ELL2: variants seen among roughly 807,000 people sequenced by gnomAD.
The protein encoded by ELL2 is RNA polymerase II elongation factor ELL2.
ELL2 carries 21 observed loss-of-function variants against 72.8 expected under a neutral mutation model. The observed-to-expected ratio is 0.29, with a 90% CI of 0.20 to 0.42. ELL2 has a LOEUF of 0.42. Ranked by LOEUF, ELL2 falls within the 10% of genes least tolerant of loss-of-function variation. ELL2 has a pLI of 1.00. For missense variants in ELL2, 568 were observed against 772.8 expected, an observed-to-expected ratio of 0.73 and a Z score of 3.14; for synonymous variants, 266 against 283.2, an observed-to-expected ratio of 0.94 and a Z score of 0.61.
chr5:95,890,769 G>A (rs1210487780), intron 10 of ELL2, among the ~76,000 whole-genome samples: 2 of 152,178 alleles, frequency 1.3e-5, no homozygotes, highest in Non-Finnish European at 2.9e-5. Context: ...CCAGACCTAT[G>A]AGCTGTAGTC....
chr5:95,933,157 G>T (rs1443069451), intron 2 of ELL2, among the ~76,000 whole-genome samples: 1 of 152,208 alleles, frequency 6.6e-6, no homozygotes, highest in Non-Finnish European at 1.5e-5. Context: ...CCTTGTGACT[G>T]GCACTTTCGA....
Position 95,886,819 on chromosome 5 carries a change from C to T in ELL2, c.*2052G>A, listed in dbSNP as rs991008246. On this transcript the variant is annotated 3_prime_UTR_variant, in exon 12 of 12. Transcript: ENST00000237853. ...AAAATGCAGATACTTGGGCCCTATA[C>T]CTAGAGATTCTAACTCAGGTGATCC... The T allele has an allele frequency of 6.6e-6, 1 of 152,148 alleles. No individual in the cohort carries two copies. Among genetic ancestry groups the T allele is most frequent in the African/African-American group, 2.4e-5 (1 of 41,430 alleles). 9.4% of individuals were successfully genotyped at this position (152,148 alleles called of 1,614,324 possible). A position where few individuals can be genotyped will look rare whatever the true frequency, so the allele number is the denominator to read the frequency against.
rs201782127 is a variant in ELL2, at chr5:95,961,663, C to T, written c.59G>A (p.Gly20Glu). 13 of 1,609,790 alleles carry T rather than the reference C, an allele frequency of 8.1e-6. No individual in the cohort carries two copies. The South Asian group carries it at 1.4e-4, about 18-fold the overall frequency. Residue 20 changes from glycine to glutamate, a missense_variant, in exon 1 of 12, where the codon GGA becomes GAA. By Grantham distance (98) the Gly-to-Glu change is moderately conservative. Around this residue, in one of 2 missense-constraint regions of ELL2, gnomAD observed 57 missense variants for 44.4 expected, o/e 1.28. Coordinates refer to ENST00000237853, the MANE Select transcript of ELL2 (RefSeq NM_012081.6). ...GGTGATGTTGTCCTGCCCCAGCCGTCCGCACGACAGCCCATAGCGCTGCTC... is the reference window on the plus strand; with the variant it reads ...GGTGATGTTGTCCTGCCCCAGCCGTTCGCACGACAGCCCATAGCGCTGCTC... ...REEQRYGLSC[G>E]RLGQDNITVL...
At chr5:95,915,856 T>C (rs962012949) in intron 3 of ELL2, among the ~76,000 whole-genome samples, 1 of 151,916 alleles carries the variant, frequency 6.6e-6, no homozygotes, top group African/African-American at 2.4e-5. Context: ...GAAGAGGGAA[T>C]GAGAAATACA....
At chr5:95,931,753 C>T (rs183785272) in intron 2 of ELL2, among the ~76,000 whole-genome samples, 62 of 137,728 alleles carry the variant, frequency 4.5e-4, no homozygotes, top group Non-Finnish European at 5.6e-4. Flanking sequence ...CCTGCTGCTC[C>T]TCTAGAAGGG....
At chr5:95,924,320 T>A (rs1318635596) in intron 2 of ELL2, among the ~76,000 whole-genome samples, 1 of 152,148 alleles carries the variant, frequency 6.6e-6, no homozygotes, top group Non-Finnish European at 1.5e-5. Flanking sequence ...GAAGTGAAAA[T>A]GTACTGACTG....
chr5:95,939,893 G>A (rs771796416), intron 2 of ELL2, among the ~76,000 whole-genome samples: 23 of 152,138 alleles, frequency 1.5e-4, no homozygotes, highest in Non-Finnish European at 2.4e-4. Context: ...CCATGTGAAC[G>A]TACCGGCTAC....
intron 8 of ELL2, among the ~76,000 whole-genome samples, chr5:95,897,193 C>T (rs1748909580): frequency 6.6e-6 from 1 of 152,194 alleles, no homozygotes. Context: ...GAAAATAGAG[C>T]TTCTCTCATA....
intron 5 of ELL2, among the ~76,000 whole-genome samples, chr5:95,903,562 A>G (rs1749229547): frequency 6.6e-6 from 1 of 151,918 alleles, no homozygotes; most frequent in African/African-American, 2.4e-5. Context: ...CTGTTTCTCA[A>G]TCCTCTATAT....
At chr5:95,960,586 C>T (rs1409290953) in intron 1 of ELL2, among the ~76,000 whole-genome samples, 1 of 151,898 alleles carries the variant, frequency 6.6e-6, no homozygotes, top group Non-Finnish European at 1.5e-5. Flanking sequence ...CGAGTCTCTG[C>T]CCGGGATGCA....
intron 1 of ELL2, among the ~76,000 whole-genome samples, chr5:95,953,422 A>T (rs1329269545): frequency 1.3e-5 from 2 of 152,220 alleles, no homozygotes; most frequent in Non-Finnish European, 2.9e-5. Context: ...CATGGTTTCT[A>T]ATAATGGAGC....
intron 8 of ELL2, 110 bp downstream of exon 8, chr5:95,898,130 A>C (rs1748945496): frequency 1.0e-6 from 1 of 979,470 alleles, no homozygotes; most frequent in Non-Finnish European, 1.5e-6. Flanking sequence ...CACAACACTA[A>C]GATTAATAAT....
chr5:95,935,717 T>C (rs1286474145), intron 2 of ELL2, among the ~76,000 whole-genome samples: 1 of 152,172 alleles, frequency 6.6e-6, no homozygotes, highest in African/African-American at 2.4e-5. Context: ...AACACACCCA[T>C]GTCTCCTGTC....
chr5:95,947,609 A>G (rs1476463550), intron 1 of ELL2, among the ~76,000 whole-genome samples: 3 of 152,206 alleles, frequency 2.0e-5, no homozygotes. Flanking sequence ...GAGGTAGAGT[A>G]CATCGCTTAG....
intron 2 of ELL2, among the ~76,000 whole-genome samples, chr5:95,937,830 C>T (rs1443954278): frequency 6.6e-6 from 1 of 152,096 alleles, no homozygotes; most frequent in Non-Finnish European, 1.5e-5. Flanking sequence ...TTGGCAAAAC[C>T]AGTGGGCTAG....
intron 7 of ELL2, among the ~76,000 whole-genome samples, 159 bp from the exon 8 acceptor site, chr5:95,898,969 ACAAACAAAAAACC>A (rs951214304): frequency 6.6e-5 from 10 of 151,958 alleles, no homozygotes; most frequent in Non-Finnish European, 1.3e-4. Context: ...CAAAAAACAA[ACAAACAAAAAACC>A]CAAACAAAAA....
At chr5:95,937,493 G>A (rs1389818923) in intron 2 of ELL2, among the ~76,000 whole-genome samples, 1 of 141,166 alleles carries the variant, frequency 7.1e-6, no homozygotes, top group Non-Finnish European at 1.5e-5. Flanking sequence ...GACAGAGCAA[G>A]ACTCCGTCTC....
At chr5:95,901,878 C>A (rs979750290) in intron 5 of ELL2, among the ~76,000 whole-genome samples, 11 of 152,198 alleles carry the variant, frequency 7.2e-5, no homozygotes, top group African/African-American at 2.4e-4. Context: ...TGATTCACAT[C>A]CTGGGCGGGA....
chr5:95,950,080 G>A (rs1194707088), intron 1 of ELL2, among the ~76,000 whole-genome samples: 1 of 152,176 alleles, frequency 6.6e-6, no homozygotes. Flanking sequence ...ATTTGAAACT[G>A]AAAGCCAGAG....
Sources: allele counts gnomAD v4.1 joint callset (sites outside exome capture counted in the v4.1 genomes callset), GRCh38; gene constraint gnomAD v4.1.1; regional missense constraint gnomAD v4.1.1; transcripts MANE v1.5; gene names NCBI Gene and HGNC (gene_info 2026-07-23, HGNC 2026-07-21).